The following CYSTM1 variants were observed in gnomAD, a reference collection of about 807,000 sequenced individuals.
CYSTM1 encodes the protein cysteine-rich transmembrane module-containing protein 1.
Under a neutral mutation model 13.1 loss-of-function variants are expected in CYSTM1, and 4 were observed. The observed-to-expected ratio is 0.31, with a 90% CI of 0.15 to 0.70. The LOEUF (loss-of-function observed/expected upper bound fraction) is 0.70. Among genes scored for constraint, CYSTM1 ranks in the 30% least tolerant of loss-of-function variants. The pLI, the probability that CYSTM1 is intolerant of heterozygous loss-of-function variation, is 0.72. For missense variants in CYSTM1, 96 were observed against 121.6 expected, an observed-to-expected ratio of 0.79 and a Z score of 0.99; for synonymous variants, 36 against 42.7, an observed-to-expected ratio of 0.84 and a Z score of 0.62.
chr5:140,178,441 C>CTTTTTTTTTTTTTTTTTTT lies in CYSTM1; in HGVS notation c.-21+3163_-21+3181dup, dbSNP rs577709524. 2.4e-3 allele frequency among the ~76,000 whole-genome samples: 126 copies of CTTTTTTTTTTTTTTTTTTT among 52,674 alleles called. 12 individuals carry two copies. Among genetic ancestry groups the CTTTTTTTTTTTTTTTTTTT allele is most frequent in the Non-Finnish European group, 2.8e-3 (84 of 30,440 alleles). 34.6% of individuals were successfully genotyped at this position (52,674 alleles called of 152,430 possible). A position where few individuals can be genotyped will look rare whatever the true frequency, so the allele number is the denominator to read the frequency against. The stretch of plus-strand genomic sequence containing the variant: ...TGGAAAAGCCCTATTCAAGTCCTTC[C>CTTTTTTTTTTTTTTTTTTT]TTTTTTTTTTTTTTTTTTTTTTTTT... On this transcript the variant is annotated intron_variant, in intron 1 of 2. Coordinates refer to ENST00000261811, the MANE Select transcript of CYSTM1 (RefSeq NM_032412.4).
At chr5:140,176,873 TC>T (rs1267575965) in intron 1 of CYSTM1, among the ~76,000 whole-genome samples, 14 of 151,926 alleles carry the variant, frequency 9.2e-5, no homozygotes, top group African/African-American at 2.9e-4. Flanking sequence ...ATCGAGACCA[TC>T]CTGACTAACA....
intron 1 of CYSTM1, among the ~76,000 whole-genome samples, chr5:140,179,261 TAA>T (rs36122225): frequency 2.7e-4 from 37 of 139,460 alleles, no homozygotes; most frequent in East Asian, 1.1e-3. Flanking sequence ...TCTTGTCGCT[TAA>T]AAAAAAAAAA....
chr5:140,176,872 A>T (rs1204850551), intron 1 of CYSTM1, among the ~76,000 whole-genome samples: 1 of 152,034 alleles, frequency 6.6e-6, no homozygotes, highest in Non-Finnish European at 1.5e-5. Flanking sequence ...GATCGAGACC[A>T]TCCTGACTAA....
Position 140,175,694 on chromosome 5 carries a change from C to A in CYSTM1, c.-21+409C>A, listed in dbSNP as rs1763873642. On this transcript the variant is annotated intron_variant, in intron 1 of 2. Coordinates refer to ENST00000261811, the MANE Select transcript of CYSTM1 (RefSeq NM_032412.4). This position sits in a 1 kb window ranked among gnomAD's most constrained non-coding sequence, Gnocchi z 4.9. Reference sequence around the variant, plus strand: ...CTGCGATTTCTGAGGCGCTGCTCTGCCTATTCCGAGCTGGGCCAGCCGGGG... The same window carrying A: ...CTGCGATTTCTGAGGCGCTGCTCTGACTATTCCGAGCTGGGCCAGCCGGGG... Among the ~76,000 whole-genome samples, 1 of 152,208 alleles carries A rather than the reference C, an allele frequency of 6.6e-6. No individual in the cohort carries two copies.
At chr5:140,216,427 A>C (rs979077170) in intron 2 of CYSTM1, among the ~76,000 whole-genome samples, 1 of 152,218 alleles carries the variant, frequency 6.6e-6, no homozygotes, top group African/African-American at 2.4e-5. Flanking sequence ...AGAGCTGAAG[A>C]GGACCCAGCT....
At position 140,219,387 on chromosome 5, in the gene CYSTM1, G is replaced by A. The variant is rs559134832; in HGVS notation, c.188-23918G>A. ...GAATGGCCTTTGTTTCTCTGAAATC[G>A]TGGGCAGTGTGCTGCAGGTAGTAGA... On this transcript the variant is annotated intron_variant, in intron 2 of 2. Transcript: ENST00000261811. This position sits in a 1 kb window ranked among gnomAD's most constrained non-coding sequence, Gnocchi z 4.1. Among the ~76,000 whole-genome samples the A allele has an allele frequency of 1.3e-5, 2 of 152,184 alleles. No individual in the cohort carries two copies. Among genetic ancestry groups the A allele is most frequent in the South Asian group, 2.1e-4 (1 of 4,826 alleles).
chr5:140,176,758 G>A (rs1448775624), intron 1 of CYSTM1, among the ~76,000 whole-genome samples: 1 of 152,154 alleles, frequency 6.6e-6, no homozygotes. Flanking sequence ...CATACTATTT[G>A]TTGATTGTAG....
At chr5:140,226,585 A>ATT (rs1247601109) in intron 2 of CYSTM1, among the ~76,000 whole-genome samples, 54 of 62,710 alleles carry the variant, frequency 8.6e-4, no homozygotes, top group Non-Finnish European at 1.1e-3. Context: ...TATACTAAAT[A>ATT]TTATATATAT....
intron 2 of CYSTM1, among the ~76,000 whole-genome samples, chr5:140,238,213 G>A (rs1764707471): frequency 6.6e-6 from 1 of 152,186 alleles, no homozygotes; most frequent in South Asian, 2.1e-4. Flanking sequence ...GGGAGGCCCA[G>A]GGAAGGCTCT....
chr5:140,177,078 A>AAAACAAAAAAAC (rs1554131562), intron 1 of CYSTM1, among the ~76,000 whole-genome samples: 1 of 135,544 alleles, frequency 7.4e-6, no homozygotes, highest in African/African-American at 2.6e-5. Context: ...CAAAAAAAAA[A>AAAACAAAAAAAC]AAAAAAAAAT....
intron 1 of CYSTM1, among the ~76,000 whole-genome samples, chr5:140,193,992 T>G (rs1764122573): frequency 6.6e-6 from 1 of 152,216 alleles, no homozygotes; most frequent in Non-Finnish European, 1.5e-5. Flanking sequence ...CCCTGTTGAT[T>G]GGAGGGTTTC....
rs186094429 is a variant in CYSTM1 at position 140,219,289 on chromosome 5, G to A, written c.188-24016G>A. 1.1e-4 allele frequency among the ~76,000 whole-genome samples: 17 copies of A among 152,166 alleles called. No homozygotes were observed. The highest frequency in any genetic ancestry group is 6.5e-4 in the Admixed American group (10 of 15,282). ...AGCTTGTGTTACAAAACAGTGTTAC[G>A]AAACAGCAGGAATTGCGGTGGATAA... On this transcript the variant is annotated intron_variant, in intron 2 of 2. Transcript: ENST00000261811. The surrounding 1 kb of genome is among the most constrained non-coding windows in gnomAD (Gnocchi z 4.1).
At position 140,219,902 on chromosome 5, in the gene CYSTM1, C is replaced by A. The variant is rs1022876471; in HGVS notation, c.188-23403C>A. Among the ~76,000 whole-genome samples, 5 of 152,154 alleles carry A rather than the reference C, an allele frequency of 3.3e-5. No individual in the cohort carries two copies. The highest frequency in any genetic ancestry group is 1.2e-4 in the African/African-American group (5 of 41,442). ...ATTGGAAAAACCCAACAGCTACCTC[C>A]TTGGTGATCTCTGCCCATTTGGGCA... is the stretch of plus-strand genomic sequence containing the variant. On this transcript the variant is annotated intron_variant, in intron 2 of 2. Coordinates refer to ENST00000261811, the MANE Select transcript of CYSTM1 (RefSeq NM_032412.4). The surrounding 1 kb of genome is among the most constrained non-coding windows in gnomAD (Gnocchi z 4.1).
In CYSTM1 at chr5:140,230,542, A is replaced by G. The variant is rs1764607928; in HGVS notation, c.188-12763A>G. Among the ~76,000 whole-genome samples, 1 of 152,192 alleles carries G rather than the reference A, an allele frequency of 6.6e-6. No individual in the cohort carries two copies. On this transcript the variant is annotated intron_variant, in intron 2 of 2. Transcript: ENST00000261811. This position sits in a 1 kb window ranked among gnomAD's most constrained non-coding sequence, Gnocchi z 4.1. ...CTCTTCATGCTACCTCTTGGATCCC[A>G]TGTGCAAATTCAGGGGAGGGGTTAG... is the stretch of plus-strand genomic sequence containing the variant.
intron 2 of CYSTM1, among the ~76,000 whole-genome samples, chr5:140,210,182 C>T (rs1044349880): frequency 6.6e-6 from 1 of 152,118 alleles, no homozygotes; most frequent in Non-Finnish European, 1.5e-5. Flanking sequence ...TCATTTATAC[C>T]TGGCTACCAC....
intron 1 of CYSTM1, among the ~76,000 whole-genome samples, chr5:140,189,179 G>A (rs10045140): frequency 0.23 from 34,954 of 151,974 alleles, 4,006 homozygotes; most frequent in African/African-American, 0.25. Flanking sequence ...CCCCAATTAT[G>A]GAGGTGGGTT....
intron 2 of CYSTM1, among the ~76,000 whole-genome samples, chr5:140,234,694 C>G (rs1376114516): frequency 2.6e-5 from 4 of 152,156 alleles, no homozygotes; most frequent in Admixed American, 6.5e-5. Context: ...ACAGCCATTA[C>G]AAGATGGCCA....
At chr5:140,242,343 C>T (rs996346257) in intron 2 of CYSTM1, among the ~76,000 whole-genome samples, 10 of 152,122 alleles carry the variant, frequency 6.6e-5, no homozygotes, top group Non-Finnish European at 8.8e-5. Context: ...CAGAGAGAGG[C>T]GCTGCCGAGA....
intron 2 of CYSTM1, among the ~76,000 whole-genome samples, chr5:140,204,799 A>T (rs571092016): frequency 1.3e-5 from 2 of 152,132 alleles, no homozygotes; most frequent in South Asian, 2.1e-4. Context: ...GTGTATGTGT[A>T]TATGCTCAGT....
Sources: allele counts gnomAD v4.1 joint callset (sites outside exome capture counted in the v4.1 genomes callset), GRCh38; gene constraint gnomAD v4.1.1; non-coding constraint Gnocchi (gnomAD v3.1); transcripts MANE v1.5; gene names NCBI Gene and HGNC (gene_info 2026-07-23, HGNC 2026-07-21).